The following MYBPC3 variants were observed in gnomAD, a reference collection of about 807,000 sequenced individuals.
MYBPC3 encodes myosin binding protein C3, also known as myosin-binding protein C, cardiac-type.
MYBPC3 carries 108 observed loss-of-function variants against 159.3 expected under a neutral mutation model. The observed-to-expected ratio is 0.68, with a 90% CI of 0.58 to 0.80. The LOEUF (loss-of-function observed/expected upper bound fraction) is 0.80, where lower values mean the gene tolerates loss of function less well. Ranked by LOEUF, MYBPC3 falls within the 30% of genes least tolerant of loss-of-function variation. MYBPC3 has a pLI of 0.00. For synonymous variants in MYBPC3, 730 were observed against 702.0 expected, an observed-to-expected ratio of 1.04 and a Z score of -0.63; for missense variants, 1,631 against 1,762.1, an observed-to-expected ratio of 0.93 and a Z score of 1.33.
At position 47,334,036 on chromosome 11, in the gene MYBPC3, G is replaced by A. The variant is rs1402968817; in HGVS notation, c.2906-26C>T. On this transcript the variant is annotated intron_variant, in intron 27 of 34. Coordinates refer to ENST00000545968, the MANE Select transcript of MYBPC3 (RefSeq NM_000256.3). ...CTGTGGGTATAGAGTGGGTAGCTAA[G>A]TGAGGGCCCGCCACAGCTCTGAGGG... 8 of 1,551,506 alleles carry A rather than the reference G, an allele frequency of 5.2e-6. No individual in the cohort carries two copies. The South Asian group carries it at 7.1e-5, about 14-fold the overall frequency.
chr11:47,349,949 G>A (rs760048205), intron 4 of MYBPC3, 27 bp from the exon 5 acceptor site: 1 of 1,577,274 alleles, frequency 6.3e-7, no homozygotes, highest in Non-Finnish European at 8.6e-7. Context: ...GACAGGCCCG[G>A]CTTGGGGAGT....
chr11:47,332,299 TGAGA>T lies in MYBPC3; in HGVS notation c.3628-45_3628-42del, dbSNP rs778272913. 2 of 1,597,962 alleles carry T rather than the reference TGAGA, an allele frequency of 1.3e-6. No homozygotes were observed. Among genetic ancestry groups the T allele is most frequent in the Admixed American group, 3.3e-5 (2 of 60,000 alleles). ...AGAGAGGGAGGGAAGCCATCCAGGC[TGAGA>T]GGGGACCTGGCAGGGACCCAGGGAG... On this transcript the variant is annotated intron_variant, in intron 32 of 34. Coordinates refer to ENST00000545968, the MANE Select transcript of MYBPC3 (RefSeq NM_000256.3). This position sits in a 1 kb window ranked among gnomAD's most constrained non-coding sequence, Gnocchi z 4.2.
chr11:47,344,969 T>C (rs2083745666), intron 12 of MYBPC3, among the ~76,000 whole-genome samples: 1 of 152,332 alleles, frequency 6.6e-6, no homozygotes, highest in Middle Eastern at 3.4e-3. Flanking sequence ...TTTGTATTTT[T>C]AGTAGAGACG....
At chr11:47,339,617 A>T in intron 21 of MYBPC3, 34 bp downstream of exon 21, 1 of 1,538,242 alleles carries the variant, frequency 6.5e-7, no homozygotes, top group Non-Finnish European at 8.8e-7. Flanking sequence ...CACCCATCTT[A>T]TAGATGGGGA....
intron 28 of MYBPC3, 46 bp downstream of exon 28, chr11:47,333,876 C>CTA (rs1251135679): frequency 6.4e-7 from 1 of 1,554,912 alleles, no homozygotes; most frequent in Non-Finnish European, 8.7e-7. Flanking sequence ...GAACAACACA[C>CTA]TATAGCCTCT....
At chr11:47,350,946 C>T (rs994433959) in intron 2 of MYBPC3, among the ~76,000 whole-genome samples, 3 of 152,130 alleles carry the variant, frequency 2.0e-5, no homozygotes, top group Admixed American at 6.5e-5. Flanking sequence ...TGGGGCTTCC[C>T]GGCCGTCTGT....
rs11570103 is a variant in MYBPC3 at position 47,336,216 on chromosome 11, G to A, written c.2603-205C>T. 5.8e-4 allele frequency among the ~76,000 whole-genome samples: 88 copies of A among 152,230 alleles called. 1 individual carries two copies. Among genetic ancestry groups the A allele is most frequent in the African/African-American group, 2.0e-3 (81 of 41,528 alleles). On this transcript the variant is annotated intron_variant, in intron 25 of 34. Coordinates refer to ENST00000545968, the MANE Select transcript of MYBPC3 (RefSeq NM_000256.3). Reference sequence around the variant, plus strand: ...ACAAACAGCAACAGCAGCCAGGCACGGTGGCTCACGCCTGTAATCCCAGCA... The same window carrying A: ...ACAAACAGCAACAGCAGCCAGGCACAGTGGCTCACGCCTGTAATCCCAGCA...
In MYBPC3 at chr11:47,351,189, G is replaced by GGGGGCCC; in HGVS notation, c.292+49_292+50insGGGCCCC. On this transcript the variant is annotated intron_variant, in intron 2 of 34. Transcript: ENST00000545968. The surrounding 1 kb of genome is among the most constrained non-coding windows in gnomAD (Gnocchi z 4.2). ...TGGATGGATGGAGAGTCGCTGGGCT[G>GGGGGCCC]CCCCTCCCCCAGCAGCCCAAACCTC... 6.9e-7 allele frequency: 1 copy of GGGGGCCC among 1,449,126 alleles called. No individual in the cohort carries two copies. Among genetic ancestry groups the GGGGGCCC allele is most frequent in the East Asian group, 2.6e-5 (1 of 38,934 alleles). The allele number at this position is 1,449,126 out of a possible 1,614,324, so 89.8% of individuals were successfully genotyped here.
At chr11:47,341,916 T>TCTGTTTCTCC in intron 18 of MYBPC3, 75 bp downstream of exon 18, 4 of 1,524,678 alleles carry the variant, frequency 2.6e-6, no homozygotes, top group Non-Finnish European at 3.5e-6. Context: ...TCTCTCTCTC[T>TCTGTTTCTCC]CTGTTTCTCC....
At position 47,347,979 on chromosome 11, in the gene MYBPC3, G is replaced by C. The variant is rs528635712; in HGVS notation, c.773-74C>G. On this transcript the variant is annotated intron_variant, in intron 6 of 34. Transcript: ENST00000545968. ...GTTTGAGAAGCCCTGCCCTGGGGGC[G>C]GCCTCTGAGTATTCACAGACTTGCC... is the stretch of plus-strand genomic sequence containing the variant. 330 of 1,400,868 alleles carry C rather than the reference G, an allele frequency of 2.4e-4. 3 individuals carry two copies. The Middle Eastern group carries it at 2.5e-3, about 10-fold the overall frequency. 86.8% of individuals were successfully genotyped at this position (1,400,868 alleles called of 1,614,324 possible). A position where few individuals can be genotyped will look rare whatever the true frequency, so the allele number is the denominator to read the frequency against.
In MYBPC3 at chr11:47,342,953, G is replaced by C; in HGVS notation, c.1352-18C>G. On this transcript the variant is annotated intron_variant, in intron 15 of 34. Transcript: ENST00000545968. ...AGGGGGCTCTGTCCAGGCAGGGTGA[G>C]CATGAGGGTTGGCTCCCCTGAGGCC... 6.2e-7 allele frequency: 1 copy of C among 1,611,260 alleles called. No homozygotes were observed. Among genetic ancestry groups the C allele is most frequent in the African/African-American group, 1.3e-5 (1 of 75,018 alleles).
chr11:47,350,260 G>A (rs2095899283), intron 3 of MYBPC3, 148 bp from the exon 4 acceptor site: 1 of 1,161,116 alleles, frequency 8.6e-7, no homozygotes, highest in Non-Finnish European at 1.2e-6. Flanking sequence ...AGTTAGCTGG[G>A]ACCGCAGGTG....
At position 47,346,989 on chromosome 11, in the gene MYBPC3, G is replaced by C. The variant is rs376388588; in HGVS notation, c.908+38C>G. 4 of 772,198 alleles carry C rather than the reference G, an allele frequency of 5.2e-6. No individual in the cohort carries two copies. The highest frequency in any genetic ancestry group is 9.4e-6 in the Non-Finnish European group (4 of 423,538). The allele number at this position is 772,198 out of a possible 1,614,324, so 47.8% of individuals were successfully genotyped here. On this transcript the variant is annotated intron_variant, in intron 10 of 34. Coordinates refer to ENST00000545968, the MANE Select transcript of MYBPC3 (RefSeq NM_000256.3). The surrounding 1 kb of genome is among the most constrained non-coding windows in gnomAD (Gnocchi z 5.3). The stretch of plus-strand genomic sequence containing the variant: ...GGGAATCCCCTCTGCACCCACCAGC[G>C]CCCTGCCGCCCCCAAACACCCAGAC...
chr11:47,340,961 G>A, intron 20 of MYBPC3, 42 bp downstream of exon 20: 1 of 1,506,082 alleles, frequency 6.6e-7, no homozygotes, highest in Non-Finnish European at 8.9e-7. Flanking sequence ...GTGGGTTGCG[G>A]GAAAGTGAGC....
chr11:47,343,287 A>T (rs758496957), intron 13 of MYBPC3, 25 bp from the exon 14 acceptor site: 2 of 1,546,312 alleles, frequency 1.3e-6, no homozygotes, highest in Non-Finnish European at 1.7e-6. Flanking sequence ...GGGCCGTTGA[A>T]GTGTTCCCGA....
chr11:47,341,974 C>G lies in MYBPC3; in HGVS notation c.1790+17G>C. ...CTCAGTCTCCACCTGTCCCATCCAC[C>G]TGCCCTGCACACTCACCGCCCGATG... On this transcript the variant is annotated intron_variant, in intron 18 of 34. Coordinates refer to ENST00000545968, the MANE Select transcript of MYBPC3 (RefSeq NM_000256.3). 1.3e-6 allele frequency: 2 copies of G among 1,553,540 alleles called. No individual in the cohort carries two copies. The highest frequency in any genetic ancestry group is 1.7e-6 in the Non-Finnish European group (2 of 1,147,662).
At chr11:47,335,235 GC>G in intron 26 of MYBPC3, 26 bp from the exon 27 acceptor site, 1 of 1,556,166 alleles carries the variant, frequency 6.4e-7, no homozygotes. Context: ...GGGAGGCAAG[GC>G]CACAGGCTGT....
Position 47,348,420 on chromosome 11 carries a change from T to G in MYBPC3, c.772+4A>C, listed in dbSNP as rs2095896703. On this transcript the variant is annotated splice_donor_region_variant and intron_variant, in intron 6 of 34. Coordinates refer to ENST00000545968, the MANE Select transcript of MYBPC3 (RefSeq NM_000256.3). ...GCCCAGGACAGACACCAGGGCCCCC[T>G]CACCGTGGACAGTGAGATTGAAGTT... The G allele has an allele frequency of 6.2e-7, 1 of 1,605,072 alleles. No individual in the cohort carries two copies. Among genetic ancestry groups the G allele is most frequent in the South Asian group, 1.1e-5 (1 of 90,064 alleles).
At position 47,333,432 on chromosome 11, in the gene MYBPC3, G is replaced by C. The variant is rs551291023; in HGVS notation, c.3191-99C>G. The C allele has an allele frequency of 6.0e-6, 9 of 1,503,156 alleles. No individual in the cohort carries two copies. The South Asian group carries it at 1.1e-4, about 19-fold the overall frequency. The allele number at this position is 1,503,156 out of a possible 1,614,324, so 93.1% of individuals were successfully genotyped here. On this transcript the variant is annotated intron_variant, in intron 29 of 34. Coordinates refer to ENST00000545968, the MANE Select transcript of MYBPC3 (RefSeq NM_000256.3). ...CCCCACCCCTGCCAACCAGGGCCAG[G>C]CCTGCTGGGGCAGTGGACTGGAAAA...
Sources: gnomAD v4.1 joint callset for allele counts (sites outside exome capture counted in the v4.1 genomes callset) on GRCh38, gnomAD v4.1.1 for gene constraint, Gnocchi (gnomAD v3.1) non-coding constraint, MANE v1.5 for transcripts, NCBI Gene and HGNC (gene_info 2026-07-23, HGNC 2026-07-21) for gene names.